AUTS2: variants seen among roughly 807,000 people sequenced by gnomAD.
The protein encoded by AUTS2 is activator of transcription and developmental regulator AUTS2.
Under a neutral mutation model 112.4 loss-of-function variants are expected in AUTS2, and 17 were observed. The observed-to-expected ratio is 0.15, with a 90% CI of 0.10 to 0.23. AUTS2 has a LOEUF of 0.23. Among genes scored for constraint, AUTS2 ranks in the 10% least tolerant of loss-of-function variants. The pLI is 1.00. For missense variants in AUTS2, 1,510 were observed against 1,701.6 expected, an observed-to-expected ratio of 0.89 and a Z score of 1.98; for synonymous variants, 751 against 702.7, an observed-to-expected ratio of 1.07 and a Z score of -1.09.
intron 2 of AUTS2, among the ~76,000 whole-genome samples, chr7:70,024,312 A>G (rs1350536058): frequency 6.6e-6 from 1 of 152,240 alleles, no homozygotes; most frequent in Non-Finnish European, 1.5e-5. Context: ...AGATTGACAC[A>G]AGTATTTAGT....
chr7:69,747,370 A>C (rs1787538883), intron 1 of AUTS2, among the ~76,000 whole-genome samples: 1 of 152,200 alleles, frequency 6.6e-6, no homozygotes, highest in African/African-American at 2.4e-5. Flanking sequence ...TGGATATGGC[A>C]TATACAGTGA....
chr7:69,761,404 T>TA lies in AUTS2; in HGVS notation c.310-137882_310-137881insA, dbSNP rs1180629605. Among the ~76,000 whole-genome samples the TA allele has an allele frequency of 2.6e-5, 4 of 152,310 alleles. No individual in the cohort carries two copies. The East Asian group carries it at 5.8e-4, about 22-fold the overall frequency. On this transcript the variant is annotated intron_variant, in intron 1 of 18. Coordinates refer to ENST00000342771, the MANE Select transcript of AUTS2 (RefSeq NM_015570.4). Reference sequence around the variant, plus strand: ...TTGTTATTAAGGTAGTGACTGGCTGTGGGGGACACCGACGTCTGTTGTTTT... The same window carrying TA: ...TTGTTATTAAGGTAGTGACTGGCTGTAGGGGGACACCGACGTCTGTTGTTTT...
chr7:70,349,824 A>T (rs1231516165), intron 4 of AUTS2, among the ~76,000 whole-genome samples: 3 of 152,218 alleles, frequency 2.0e-5, no homozygotes, highest in Non-Finnish European at 4.4e-5. Context: ...TTAAACACAA[A>T]AATCTCATTT....
intron 2 of AUTS2, among the ~76,000 whole-genome samples, chr7:70,006,118 C>T (rs1428615221): frequency 6.6e-6 from 1 of 152,098 alleles, no homozygotes; most frequent in Non-Finnish European, 1.5e-5. Context: ...GAACATTGCT[C>T]ATTGTTCATT....
chr7:70,303,869 T>C (rs1314514857), intron 4 of AUTS2, among the ~76,000 whole-genome samples: 3 of 152,158 alleles, frequency 2.0e-5, no homozygotes, highest in Non-Finnish European at 4.4e-5. Context: ...CTGCCATTTA[T>C]TTTCTCTCTG....
chr7:69,647,729 T>C (rs1795095112), intron 1 of AUTS2, among the ~76,000 whole-genome samples: 1 of 152,126 alleles, frequency 6.6e-6, no homozygotes, highest in Non-Finnish European at 1.5e-5. Flanking sequence ...ACAAACTGAG[T>C]GGCTTAAAAC....
In AUTS2 at chr7:69,991,841, T is replaced by C. The variant is rs556146580; in HGVS notation, c.522+92343T>C. Among the ~76,000 whole-genome samples the C allele has an allele frequency of 3.9e-5, 6 of 152,348 alleles. No individual in the cohort carries two copies. The South Asian group carries it at 1.2e-3, about 32-fold the overall frequency. On this transcript the variant is annotated intron_variant, in intron 2 of 18. Coordinates refer to ENST00000342771, the MANE Select transcript of AUTS2 (RefSeq NM_015570.4). ...AAAGTTTTGTTGCAAAATACAGGGC[T>C]TGTCTTGATATCGGAATACTTTCTA...
chr7:70,700,892 A>C (rs1377457444), intron 6 of AUTS2, among the ~76,000 whole-genome samples: 1 of 152,236 alleles, frequency 6.6e-6, no homozygotes, highest in Non-Finnish European at 1.5e-5. Context: ...TGCCTGCCTG[A>C]AAGTCAGGTC....
At chr7:70,095,311 A>C (rs1804135114) in intron 2 of AUTS2, among the ~76,000 whole-genome samples, 1 of 152,128 alleles carries the variant, frequency 6.6e-6, no homozygotes, top group Admixed American at 6.5e-5. Context: ...CAGTATTTGC[A>C]TGGTTAAGGT....
chr7:69,976,578 C>T (rs1353470010), intron 2 of AUTS2, among the ~76,000 whole-genome samples: 1 of 152,198 alleles, frequency 6.6e-6, no homozygotes, highest in Non-Finnish European at 1.5e-5. Context: ...CACCATTTTA[C>T]AATCCCACCA....
intron 4 of AUTS2, among the ~76,000 whole-genome samples, chr7:70,222,020 A>G (rs574232973): frequency 1.8e-4 from 27 of 152,384 alleles, no homozygotes; most frequent in African/African-American, 6.2e-4. Context: ...TATATGTTTG[A>G]TTAAGGAAAA....
rs73706116 is a variant in AUTS2 at position 70,597,493 on chromosome 7, C to G, written c.691-101076C>G. On this transcript the variant is annotated intron_variant, in intron 5 of 18. Transcript: ENST00000342771. ...AATGTTGATAGCTGAAGGGGATAGACAAGCTTCATCGAAGTTACTCAAATT... is the reference window on the plus strand; with the variant it reads ...AATGTTGATAGCTGAAGGGGATAGAGAAGCTTCATCGAAGTTACTCAAATT... 8.1e-3 allele frequency among the ~76,000 whole-genome samples: 1,239 copies of G among 152,288 alleles called. 19 individuals carry two copies. Among genetic ancestry groups the G allele is most frequent in the African/African-American group, 0.028 (1,168 of 41,552 alleles).
intron 2 of AUTS2, among the ~76,000 whole-genome samples, chr7:70,033,956 G>T (rs976401013): frequency 6.6e-6 from 1 of 152,116 alleles, no homozygotes; most frequent in East Asian, 1.9e-4. Flanking sequence ...CTAGAAGAGA[G>T]GATTTTGAAT....
chr7:69,694,871 A>C (rs190947182), intron 1 of AUTS2, among the ~76,000 whole-genome samples: 1 of 152,196 alleles, frequency 6.6e-6, no homozygotes, highest in Non-Finnish European at 1.5e-5. Context: ...CAAAACGCCA[A>C]ACGTCTTTGA....
At chr7:70,516,614 C>A (rs1199755981) in intron 5 of AUTS2, among the ~76,000 whole-genome samples, 1 of 152,152 alleles carries the variant, frequency 6.6e-6, no homozygotes, top group Non-Finnish European at 1.5e-5. Flanking sequence ...ATCAGAATAA[C>A]CCACCTTTCC....
intron 4 of AUTS2, among the ~76,000 whole-genome samples, chr7:70,143,891 G>T (rs866924015): frequency 2.0e-5 from 3 of 152,062 alleles, no homozygotes; most frequent in African/African-American, 7.2e-5. Flanking sequence ...ATGCAGCAAG[G>T]CATAACAGCT....
At chr7:69,994,343 G>A (rs967671423) in intron 2 of AUTS2, among the ~76,000 whole-genome samples, 3 of 152,188 alleles carry the variant, frequency 2.0e-5, no homozygotes, top group Admixed American at 2.0e-4. Context: ...CTGAATAATA[G>A]TTTCTTGTCC....
chr7:70,410,549 G>A (rs1794731288), intron 4 of AUTS2, among the ~76,000 whole-genome samples: 1 of 151,472 alleles, frequency 6.6e-6, no homozygotes, highest in Non-Finnish European at 1.5e-5. Flanking sequence ...TCTGCCTCCA[G>A]AGTAGCTGAA....
At chr7:69,827,792 G>C (rs1210945684) in intron 1 of AUTS2, among the ~76,000 whole-genome samples, 3 of 152,222 alleles carry the variant, frequency 2.0e-5, no homozygotes, top group East Asian at 1.9e-4. Context: ...TGAAAACCTT[G>C]ATGGGATGTC....
Sources: allele counts gnomAD v4.1 joint callset (sites outside exome capture counted in the v4.1 genomes callset), GRCh38; gene constraint gnomAD v4.1.1; transcripts MANE v1.5; gene names NCBI Gene and HGNC (gene_info 2026-07-23, HGNC 2026-07-21).